The following FGF14 variants were observed in gnomAD, a reference collection of about 807,000 sequenced individuals.
FGF14 encodes the protein fibroblast growth factor homologous factor 4.
Under a neutral mutation model 25.5 loss-of-function variants are expected in FGF14, and 5 were observed. That is an observed-to-expected ratio of 0.20 (90% CI 0.10 to 0.41). FGF14 has a LOEUF of 0.41. Ranked by LOEUF, FGF14 falls within the 10% of genes least tolerant of loss-of-function variation. The pLI, the probability that FGF14 is intolerant of heterozygous loss-of-function variation, is 1.00. For synonymous variants in FGF14, 138 were observed against 118.3 expected (o/e 1.17, Z -1.08); for missense variants, 222 against 320.1 (o/e 0.69, Z 2.34).
intron 1 of FGF14, among the ~76,000 whole-genome samples, chr13:101,902,708 A>C (rs181787984): frequency 6.6e-6 from 1 of 152,318 alleles, no homozygotes; most frequent in African/African-American, 2.4e-5. Context: ...CTTCACTTGC[A>C]AAATTACTAT....
At chr13:102,053,181 C>T (rs61966528) in intron 1 of FGF14, among the ~76,000 whole-genome samples, 7,868 of 152,014 alleles carry the variant, frequency 0.052, 229 homozygotes, top group Middle Eastern at 0.071. Context: ...AACAAAATAG[C>T]AGTGGTATTT....
chr13:101,732,756 C>T (rs1315400761), intron 3 of FGF14, among the ~76,000 whole-genome samples: 1 of 152,166 alleles, frequency 6.6e-6, no homozygotes, highest in Non-Finnish European at 1.5e-5. Flanking sequence ...GAAAGTGCAA[C>T]TCAAATGTTG....
At chr13:102,001,635 T>C (rs1023525117) in intron 1 of FGF14, among the ~76,000 whole-genome samples, 2 of 152,158 alleles carry the variant, frequency 1.3e-5, no homozygotes, top group Non-Finnish European at 2.9e-5. Context: ...TACATTACAT[T>C]ATATGGTAGT....
chr13:102,033,186 A>C (rs2041296622), intron 1 of FGF14, among the ~76,000 whole-genome samples: 1 of 152,142 alleles, frequency 6.6e-6, no homozygotes, highest in Admixed American at 6.5e-5. Flanking sequence ...GTACATCTCA[A>C]GCATATTCTG....
At chr13:102,107,999 T>C (rs1343793862) in intron 1 of FGF14, among the ~76,000 whole-genome samples, 2 of 152,248 alleles carry the variant, frequency 1.3e-5, no homozygotes, top group East Asian at 1.9e-4. Context: ...ATTATGTGAA[T>C]ATATTTTACA....
intron 1 of FGF14, among the ~76,000 whole-genome samples, chr13:101,939,434 T>TTC (rs1169139371): frequency 6.6e-6 from 1 of 152,200 alleles, no homozygotes; most frequent in East Asian, 1.9e-4. Context: ...TTGTCTGACT[T>TTC]TCCATGGTCC....
At chr13:102,174,771 A>G (rs2140704402) in intron 1 of FGF14, among the ~76,000 whole-genome samples, 1 of 152,202 alleles carries the variant, frequency 6.6e-6, no homozygotes, top group East Asian at 1.9e-4. Flanking sequence ...GTGGACTACT[A>G]GAGGGTGAGG....
At chr13:101,768,348 T>C (rs1433427207) in intron 3 of FGF14, among the ~76,000 whole-genome samples, 1 of 152,054 alleles carries the variant, frequency 6.6e-6, no homozygotes, top group Non-Finnish European at 1.5e-5. Flanking sequence ...AGATACTCCA[T>C]CTTCATGGGT....
intron 1 of FGF14, among the ~76,000 whole-genome samples, chr13:102,052,495 A>G (rs889638747): frequency 9.7e-5 from 14 of 144,496 alleles, no homozygotes; most frequent in Admixed American, 9.6e-4. Flanking sequence ...AATTGTAACC[A>G]ATTTTTCAAA....
intron 1 of FGF14, among the ~76,000 whole-genome samples, chr13:102,375,094 T>C (rs2058007422): frequency 6.6e-6 from 1 of 152,084 alleles, no homozygotes; most frequent in Admixed American, 6.5e-5. Context: ...TTTAGAAAAA[T>C]GAGCCATAAC....
intron 1 of FGF14, among the ~76,000 whole-genome samples, chr13:101,963,218 G>A (rs1183192696): frequency 6.6e-6 from 1 of 152,194 alleles, no homozygotes; most frequent in East Asian, 1.9e-4. Flanking sequence ...TACATCTGAC[G>A]ATTGCTTCGT....
In FGF14 at chr13:102,203,545, A is replaced by T. The variant is rs988877053; in HGVS notation, c.208+197926T>A. Among the ~76,000 whole-genome samples the T allele has an allele frequency of 5.9e-5, 9 of 152,274 alleles. No individual in the cohort carries two copies. The East Asian group carries it at 1.7e-3, about 29-fold the overall frequency. The stretch of plus-strand genomic sequence containing the variant: ...TGAAAGTAAATTACATAATTTCTTG[A>T]TTTTAATACAAAATGAGACCAATAA... On this transcript the variant is annotated intron_variant, in intron 1 of 4. Transcript: ENST00000376131.
chr13:102,352,537 G>A (rs2057313412), intron 1 of FGF14, among the ~76,000 whole-genome samples: 1 of 152,166 alleles, frequency 6.6e-6, no homozygotes, highest in Non-Finnish European at 1.5e-5. Flanking sequence ...TATTGGCCGG[G>A]CGCGGTGGCT....
At chr13:101,860,476 G>A (rs978734837) in intron 3 of FGF14, among the ~76,000 whole-genome samples, 8 of 152,084 alleles carry the variant, frequency 5.3e-5, no homozygotes, top group Admixed American at 1.3e-4. Context: ...ATCAATGGTA[G>A]ATATAAAAGC....
chr13:102,202,551 T>C (rs545350187), intron 1 of FGF14, among the ~76,000 whole-genome samples: 1 of 152,330 alleles, frequency 6.6e-6, no homozygotes, highest in East Asian at 1.9e-4. Context: ...TTACGCCAGA[T>C]GATATCCTGC....
rs1366193932 is a variant in FGF14 at position 101,927,903 on chromosome 13, T to C, written c.209-52607A>G. ...AGGGAGGATGAGACTCAGACAGGAA[T>C]AGTCCCAGGTTCTGGACTGTTCCTG... On this transcript the variant is annotated intron_variant, in intron 1 of 4. Coordinates refer to the FGF14 transcript ENST00000376131. 3.3e-5 allele frequency among the ~76,000 whole-genome samples: 5 copies of C among 152,326 alleles called. No individual in the cohort carries two copies. The East Asian group carries it at 7.7e-4, about 24-fold the overall frequency.
chr13:102,215,946 A>G (rs2050352914), intron 1 of FGF14, among the ~76,000 whole-genome samples: 1 of 152,210 alleles, frequency 6.6e-6, no homozygotes, highest in Non-Finnish European at 1.5e-5. Context: ...GAGAAAGAAA[A>G]GTCAGAGACA....
intron 1 of FGF14, among the ~76,000 whole-genome samples, chr13:102,341,283 G>A (rs191803881): frequency 8.5e-5 from 13 of 152,232 alleles, no homozygotes; most frequent in African/African-American, 1.7e-4. Context: ...AATTATTTAT[G>A]CAAATAAAAA....
chr13:102,145,717 C>T (rs1045856064), intron 1 of FGF14, among the ~76,000 whole-genome samples: 6 of 152,080 alleles, frequency 3.9e-5, no homozygotes, highest in African/African-American at 9.7e-5. Context: ...ATGTTAGGCC[C>T]CCAAACCACC....
Sources: gnomAD v4.1 joint callset for allele counts (sites outside exome capture counted in the v4.1 genomes callset) on GRCh38, gnomAD v4.1.1 for gene constraint, MANE v1.5 for transcripts, NCBI Gene and HGNC (gene_info 2026-07-23, HGNC 2026-07-21) for gene names.